CKAP5: variants seen among roughly 807,000 people sequenced by gnomAD.
CKAP5 encodes the protein cytoskeleton-associated protein 5.
Under a neutral mutation model 232.8 loss-of-function variants are expected in CKAP5, and 27 were observed. The ratio of observed to expected loss-of-function variants is 0.12; its 90% CI spans 0.09 to 0.16. The LOEUF (loss-of-function observed/expected upper bound fraction) is 0.16, where lower values mean the gene tolerates loss of function less well. CKAP5 is among the 10% of genes least tolerant of loss of function. The probability of loss-of-function intolerance (pLI) is 1.00; values close to 1 mark genes in which losing one functional copy is unlikely to be tolerated. For missense variants in CKAP5, 1,838 were observed against 2,424.7 expected, an observed-to-expected ratio of 0.76 and a Z score of 5.08; for synonymous variants, 785 against 841.1, an observed-to-expected ratio of 0.93 and a Z score of 1.16.
intron 5 of CKAP5, among the ~76,000 whole-genome samples, chr11:46,810,136 T>C (rs1336930624): frequency 6.6e-6 from 1 of 152,040 alleles, no homozygotes; most frequent in East Asian, 1.9e-4. Context: ...CACATCCGGC[T>C]AATTTTTGTA....
At chr11:46,778,363 T>C (rs373659187) in intron 21 of CKAP5, 50 bp from the exon 22 acceptor site, 5 of 1,601,714 alleles carry the variant, frequency 3.1e-6, no homozygotes, top group Middle Eastern at 1.7e-4. Flanking sequence ...AAAATGATGA[T>C]ATCACGTTAA....
At chr11:46,763,283 G>A (rs2065171389) in intron 29 of CKAP5, 104 bp from the exon 30 acceptor site, 1 of 1,112,252 alleles carries the variant, frequency 9.0e-7, no homozygotes, top group African/African-American at 1.6e-5. Context: ...AAAAGAAAAT[G>A]ACAGATTTTT....
intron 1 of CKAP5, among the ~76,000 whole-genome samples, chr11:46,831,284 GATAA>G (rs1341047171): frequency 2.0e-5 from 3 of 151,894 alleles, no homozygotes; most frequent in Non-Finnish European, 2.9e-5. Context: ...CCGCTTAGAT[GATAA>G]ATAATGCTTT....
intron 1 of CKAP5, among the ~76,000 whole-genome samples, chr11:46,836,425 A>C (rs905377338): frequency 6.6e-6 from 1 of 152,254 alleles, no homozygotes; most frequent in Non-Finnish European, 1.5e-5. Context: ...AAAAGTGAGA[A>C]CACTAGGTCA....
In CKAP5 at chr11:46,744,039, T is replaced by C. The variant is rs1292607735; in HGVS notation, c.6083A>G (p.Lys2028Arg). ...GGGGCAGCTTCATTTGCGACTGCTC[T>C]TTATTCTCTCCAGTCTTTTTTTCAA... ...DDLKKRLERI[K>R]SSRK Residue 2028 changes from lysine to arginine, a missense_variant, in exon 44 of 44, where the codon AAG becomes AGG. By Grantham distance (26) the Lys-to-Arg change is conservative. This residue lies in a region of CKAP5 where 62 missense variants were observed against 61.1 expected (regional missense o/e 1.01). Coordinates refer to ENST00000529230, the MANE Select transcript of CKAP5 (RefSeq NM_001008938.4). 4 of 1,613,068 alleles carry C rather than the reference T, an allele frequency of 2.5e-6. No homozygotes were observed. In the African/African-American group the frequency reaches 5.3e-5, roughly 22 times the overall value.
chr11:46,801,338 T>G, intron 8 of CKAP5, 34 bp from the exon 9 acceptor site: 1 of 1,490,882 alleles, frequency 6.7e-7, no homozygotes, highest in Non-Finnish European at 9.4e-7. Flanking sequence ...AACAAAATAG[T>G]CACAGCCATG....
chr11:46,815,715 G>A (rs1379763317), intron 4 of CKAP5, among the ~76,000 whole-genome samples: 4 of 152,182 alleles, frequency 2.6e-5, no homozygotes, highest in Admixed American at 6.6e-5. Context: ...TCAACATGAA[G>A]TGCCACACTT....
chr11:46,802,977 T>C (rs991261665), intron 8 of CKAP5, among the ~76,000 whole-genome samples: 5 of 152,138 alleles, frequency 3.3e-5, no homozygotes, highest in Non-Finnish European at 7.3e-5. Context: ...ACTTTGCAGA[T>C]TCACAGCCAG....
chr11:46,823,584 C>A (rs1939591660), intron 1 of CKAP5, among the ~76,000 whole-genome samples: 1 of 152,028 alleles, frequency 6.6e-6, no homozygotes. Flanking sequence ...TAAATTGTTT[C>A]CAATTTTTCT....
At position 46,762,699 on chromosome 11, in the gene CKAP5, C is replaced by T; in HGVS notation, c.3955G>A (p.Val1319Ile). The change falls in exon 31 of 44, where the codon GTC becomes ATC. Residue 1319 changes from valine (V) to isoleucine (I), a missense_variant. Transcript: ENST00000529230. ...VRAILNRMCL[V>I]YPASKMFPFI... ...GGAAACATCTTGCTAGCTGGGTAGA[C>T]AAGGCACATCCGGTTCAGGATGGCA... The T allele has an allele frequency of 6.2e-7, 1 of 1,614,044 alleles. No individual in the cohort carries two copies. The highest frequency in any genetic ancestry group is 1.3e-5 in the African/African-American group (1 of 75,024).
chr11:46,746,384 T>C (rs2065021790), intron 42 of CKAP5, among the ~76,000 whole-genome samples: 1 of 152,214 alleles, frequency 6.6e-6, no homozygotes, highest in Non-Finnish European at 1.5e-5. Context: ...ACTTAGTTAC[T>C]GCATTCATTT....
chr11:46,797,233 G>A (rs1246699119), intron 11 of CKAP5, among the ~76,000 whole-genome samples: 4 of 152,074 alleles, frequency 2.6e-5, no homozygotes, highest in Non-Finnish European at 5.9e-5. Flanking sequence ...CGGGCGTGGT[G>A]GCACATGCCT....
intron 2 of CKAP5, among the ~76,000 whole-genome samples, chr11:46,820,332 G>T (rs1939498180): frequency 6.6e-6 from 1 of 152,106 alleles, no homozygotes. Context: ...TTATTATATA[G>T]GATGAAGGAG....
chr11:46,752,029 T>C (rs892162690), intron 38 of CKAP5, among the ~76,000 whole-genome samples: 1 of 151,584 alleles, frequency 6.6e-6, no homozygotes, highest in African/African-American at 2.4e-5. Context: ...TCAAACTTCT[T>C]TCCTTTTGAT....
rs935095768 is a variant in CKAP5, at chr11:46,744,098, C to T, written c.6024G>A (p.Val2008=). The T allele has an allele frequency of 6.2e-7, 1 of 1,613,930 alleles. No homozygotes were observed. Among genetic ancestry groups the T allele is most frequent in the Non-Finnish European group, 8.5e-7 (1 of 1,180,002 alleles). The part of the protein sequence containing the change: ...DSNQTHSSGT[V]TSSSSTANID... ...TGTTAGCTGTGGAGGAGGAGGAGGT[C>T]ACAGTTCCTGAAGAGTGAGTCTGGT... Residue 2008 remains valine (V), a synonymous_variant, in exon 44 of 44, where the codon GTG becomes GTA. Transcript: ENST00000529230.
At chr11:46,842,512 T>C (rs1462995079) in intron 1 of CKAP5, among the ~76,000 whole-genome samples, 2 of 152,130 alleles carry the variant, frequency 1.3e-5, no homozygotes, top group South Asian at 2.1e-4. Context: ...AACCTTACTG[T>C]TGCAAAATCA....
intron 40 of CKAP5, 64 bp from the exon 41 acceptor site, chr11:46,750,675 T>A: frequency 7.8e-7 from 1 of 1,274,710 alleles, no homozygotes; most frequent in Non-Finnish European, 1.1e-6. Flanking sequence ...GAACTGATGG[T>A]TGGATATGAA....
At chr11:46,801,325 G>A (rs745605625) in intron 8 of CKAP5, 21 bp from the exon 9 acceptor site, 5 of 1,565,754 alleles carry the variant, frequency 3.2e-6, no homozygotes, top group Admixed American at 1.7e-5. Context: ...GGGTAAAAAG[G>A]AAAACAAAAT....
intron 25 of CKAP5, 89 bp from the exon 26 acceptor site, chr11:46,770,187 TG>T: frequency 2.2e-6 from 3 of 1,362,016 alleles, no homozygotes; most frequent in Non-Finnish European, 3.1e-6. Flanking sequence ...GTCAAACAAA[TG>T]ATTGAGCTCC....
Sources: gnomAD v4.1 joint callset for allele counts (sites outside exome capture counted in the v4.1 genomes callset) on GRCh38, gnomAD v4.1.1 for gene constraint, gnomAD v4.1.1 regional missense constraint, MANE v1.5 for transcripts, NCBI Gene and HGNC (gene_info 2026-07-23, HGNC 2026-07-21) for gene names.